ZNF462: variants seen among roughly 807,000 people sequenced by gnomAD.
ZNF462 encodes zinc finger protein 462, also known as zinc finger PBX1-interacting protein.
In ZNF462, 10 loss-of-function variants were observed where a neutral mutation model predicts 201.9. That is an observed-to-expected ratio of 0.05 (90% CI 0.03 to 0.08). The LOEUF is 0.08. ZNF462 is among the 10% of genes least tolerant of loss of function. The pLI, the probability that ZNF462 is intolerant of heterozygous loss-of-function variation, is 1.00. For missense variants in ZNF462, 2,523 were observed against 3,168.3 expected, an observed-to-expected ratio of 0.80 and a Z score of 4.89; for synonymous variants, 1,227 against 1,193.3, an observed-to-expected ratio of 1.03 and a Z score of -0.58.
chr9:106,947,375 G>T (rs941733456), intron 7 of ZNF462, among the ~76,000 whole-genome samples: 1 of 152,162 alleles, frequency 6.6e-6, no homozygotes, highest in South Asian at 2.1e-4. Context: ...TTATTTTGAT[G>T]CACTGTGAGT....
intron 10 of ZNF462, among the ~76,000 whole-genome samples, chr9:106,990,902 T>C (rs904665156): frequency 2.0e-5 from 3 of 152,042 alleles, no homozygotes; most frequent in African/African-American, 7.2e-5. Flanking sequence ...AATTTTTGGC[T>C]GACAGCCAGT....
intron 7 of ZNF462, 37 bp downstream of exon 7, chr9:106,939,144 G>A (rs764253904): frequency 2.0e-6 from 3 of 1,485,156 alleles, no homozygotes; most frequent in Non-Finnish European, 2.7e-6. Flanking sequence ...TAACCACTCA[G>A]GGTTGAGGTG....
chr9:106,907,494 A>T (rs916587741), intron 1 of ZNF462, among the ~76,000 whole-genome samples: 2 of 152,102 alleles, frequency 1.3e-5, no homozygotes, highest in Non-Finnish European at 2.9e-5. Flanking sequence ...AGTTTTACAT[A>T]TATTGCCATG....
intron 1 of ZNF462, among the ~76,000 whole-genome samples, chr9:106,908,929 A>ATG (rs1564090777): frequency 2.2e-4 from 6 of 27,258 alleles, no homozygotes; most frequent in Non-Finnish European, 3.1e-4. Context: ...ATATATATAT[A>ATG]TATATATATA....
At chr9:106,967,838 A>G (rs530925761) in intron 7 of ZNF462, among the ~76,000 whole-genome samples, 1 of 152,218 alleles carries the variant, frequency 6.6e-6, no homozygotes, top group African/African-American at 2.4e-5. Context: ...TTTTGTTTAT[A>G]TAAGCATTTT....
Position 106,895,271 on chromosome 9 carries a change from C to T in ZNF462, c.-30-28083C>T, listed in dbSNP as rs187637767. 6.6e-6 allele frequency among the ~76,000 whole-genome samples: 1 copy of T among 152,282 alleles called. No individual in the cohort carries two copies. Among genetic ancestry groups the T allele is most frequent in the East Asian group, 1.9e-4 (1 of 5,178 alleles). ...TTAGACCACAGCTCATTAGTTAACT[C>T]TGGATGGGTCAGAAAGTGGTGACCT... On this transcript the variant is annotated intron_variant, in intron 1 of 12. Transcript: ENST00000277225. The surrounding 1 kb of genome is among the most constrained non-coding windows in gnomAD (Gnocchi z 4.4).
At chr9:106,971,894 A>T in intron 7 of ZNF462, 111 bp from the exon 8 acceptor site, 1 of 1,339,470 alleles carries the variant, frequency 7.5e-7, no homozygotes, top group Non-Finnish European at 1.0e-6. Flanking sequence ...TTTGTCAATT[A>T]TACCTTAGTA....
At chr9:106,908,199 T>C (rs962038003) in intron 1 of ZNF462, among the ~76,000 whole-genome samples, 1 of 152,146 alleles carries the variant, frequency 6.6e-6, no homozygotes, top group Non-Finnish European at 1.5e-5. Context: ...TTTCCAGATA[T>C]AGAATATGAA....
chr9:106,882,215 G>A (rs934011478), intron 1 of ZNF462, among the ~76,000 whole-genome samples: 7 of 152,310 alleles, frequency 4.6e-5, no homozygotes, highest in African/African-American at 1.7e-4. Flanking sequence ...TAGACTAGAA[G>A]CTACAGAAAG....
At chr9:106,943,262 G>A (rs975493489) in intron 7 of ZNF462, among the ~76,000 whole-genome samples, 8 of 152,028 alleles carry the variant, frequency 5.3e-5, no homozygotes, top group Non-Finnish European at 7.4e-5. Context: ...CTTTTGTACC[G>A]ATTTTTAAAT....
rs576031722 is a variant in ZNF462 at position 106,969,228 on chromosome 9, G to C, written c.6428-2777G>C. 5.3e-5 allele frequency among the ~76,000 whole-genome samples: 8 copies of C among 151,998 alleles called. No homozygotes were observed. The South Asian group carries it at 1.7e-3, about 32-fold the overall frequency. On this transcript the variant is annotated intron_variant, in intron 7 of 12. Transcript: ENST00000277225. ...AACCTGTCCATCTGATTTTAACCAG[G>C]AGGAAAAAAAAAATTTTATGACATG... is the stretch of plus-strand genomic sequence containing the variant.
chr9:106,928,770 G>A lies in ZNF462; in HGVS notation c.4858G>A (p.Glu1620Lys), dbSNP rs768642366. 2.5e-6 allele frequency: 4 copies of A among 1,613,970 alleles called. No homozygotes were observed. The highest frequency in any genetic ancestry group is 3.4e-6 in the Non-Finnish European group (4 of 1,179,980). Residue 1620 changes from glutamate (E) to lysine (K), a missense_variant, in exon 3 of 13, where the codon GAG becomes AAG. Physicochemically the swap from Glu to Lys is moderately conservative, Grantham distance 56. Coordinates refer to ENST00000277225, the MANE Select transcript of ZNF462 (RefSeq NM_021224.6). This position sits in a 1 kb window ranked among gnomAD's most constrained non-coding sequence, Gnocchi z 9.3. ...QSPPKLPVPL[E>K]PEMTTEVSPS... ...GCCCCCGAAGCTGCCAGTCCCCCTC[G>A]AGCCCGAGATGACCACTGAAGTGAG...
chr9:106,977,046 G>A lies in ZNF462; in HGVS notation c.6832+2773G>A, dbSNP rs1353973939. On this transcript the variant is annotated intron_variant, in intron 9 of 12. Transcript: ENST00000277225. The surrounding 1 kb of genome is among the most constrained non-coding windows in gnomAD (Gnocchi z 4.6). ...GCTGAGTTCAAAGACAGAATTATCA[G>A]AGGAGGTCAGAGGGGAAGTCCACGG... Among the ~76,000 whole-genome samples the A allele has an allele frequency of 2.0e-5, 3 of 152,150 alleles. No individual in the cohort carries two copies. The highest frequency in any genetic ancestry group is 4.8e-5 in the African/African-American group (2 of 41,432).
At chr9:106,892,511 T>C (rs531749895) in intron 1 of ZNF462, among the ~76,000 whole-genome samples, 1 of 140,792 alleles carries the variant, frequency 7.1e-6, no homozygotes, top group South Asian at 2.4e-4. Context: ...CTTAACATTT[T>C]TTATTGAAAA....
chr9:106,878,039 C>T (rs1298867165), intron 1 of ZNF462, among the ~76,000 whole-genome samples: 1 of 152,164 alleles, frequency 6.6e-6, no homozygotes, highest in Admixed American at 6.5e-5. Flanking sequence ...ATGCTACTGT[C>T]ACATGTGTTC....
rs954065455 is a variant in ZNF462, at chr9:106,924,007, C to T, written c.221-126C>T. 5.0e-6 allele frequency: 4 copies of T among 793,414 alleles called. No homozygotes were observed. Among genetic ancestry groups the T allele is most frequent in the South Asian group, 1.9e-5 (1 of 53,760 alleles). The allele number at this position is 793,414 out of a possible 1,614,324, so 49.1% of individuals were successfully genotyped here. ...TTGTGAATACTCTTCAAGGCCTCAT[C>T]TTGAGACTTCAGGCCTTTTGCATGT... is the stretch of plus-strand genomic sequence containing the variant. On this transcript the variant is annotated intron_variant, in intron 2 of 12. Transcript: ENST00000277225. The surrounding 1 kb of genome is among the most constrained non-coding windows in gnomAD (Gnocchi z 6.2).
At chr9:106,861,775 G>A (rs982069948), upstream of ZNF462, among the ~76,000 whole-genome samples, 7 of 152,296 alleles carry the variant, frequency 4.6e-5, no homozygotes, top group African/African-American at 1.7e-4. Flanking sequence ...CTTTGCAAAA[G>A]AGATAGTTCA....
chr9:106,897,328 T>C (rs1029428252), intron 1 of ZNF462, among the ~76,000 whole-genome samples: 1 of 152,198 alleles, frequency 6.6e-6, no homozygotes, highest in Non-Finnish European at 1.5e-5. Context: ...ACACTTCCCC[T>C]AAGAATTCCC....
At position 106,935,657 on chromosome 9, in the gene ZNF462, C is replaced by T. The variant is rs755204793; in HGVS notation, c.6235+36C>T. 4 of 1,549,210 alleles carry T rather than the reference C, an allele frequency of 2.6e-6. No homozygotes were observed. In the South Asian group the frequency reaches 4.5e-5, roughly 17 times the overall value. ...CATTGATGATGCACAAGTTCTTTAG[C>T]ACTCTCTGAGTTTGAAACCTGATGA... On this transcript the variant is annotated intron_variant, in intron 6 of 12. Transcript: ENST00000277225. The surrounding 1 kb of genome is among the most constrained non-coding windows in gnomAD (Gnocchi z 4.1).
Sources: gnomAD v4.1 joint callset for allele counts (sites outside exome capture counted in the v4.1 genomes callset) on GRCh38, gnomAD v4.1.1 for gene constraint, Gnocchi (gnomAD v3.1) non-coding constraint, MANE v1.5 for transcripts, NCBI Gene and HGNC (gene_info 2026-07-23, HGNC 2026-07-21) for gene names.